RAPGEF5: variants seen among roughly 807,000 people sequenced by gnomAD.
RAPGEF5 encodes Rap guanine nucleotide exchange factor 5.
In RAPGEF5, 65 loss-of-function variants were observed where a neutral mutation model predicts 125.2. The ratio of observed to expected loss-of-function variants is 0.52; its 90% CI spans 0.43 to 0.64. The LOEUF (loss-of-function observed/expected upper bound fraction) is 0.64, where lower values mean the gene tolerates loss of function less well. RAPGEF5 is among the 30% of genes least tolerant of loss of function. The probability of loss-of-function intolerance (pLI) is 0.00; values close to 1 mark genes in which losing one functional copy is unlikely to be tolerated. For synonymous variants in RAPGEF5, 391 were observed against 385.9 expected (o/e 1.01, Z -0.16); for missense variants, 958 against 1,048.1 (o/e 0.91, Z 1.19).
intron 6 of RAPGEF5, among the ~76,000 whole-genome samples, chr7:22,268,998 T>C (rs1051112856): frequency 2.6e-5 from 4 of 152,012 alleles, no homozygotes; most frequent in African/African-American, 9.7e-5. Flanking sequence ...GAGAAAGGCA[T>C]GAAGAACTTC....
chr7:22,339,309 T>C (rs916565464), intron 1 of RAPGEF5, among the ~76,000 whole-genome samples: 2 of 152,214 alleles, frequency 1.3e-5, no homozygotes, highest in African/African-American at 4.8e-5. Flanking sequence ...TGCCTCTCAG[T>C]TGAATTCTTT....
intron 8 of RAPGEF5, among the ~76,000 whole-genome samples, chr7:22,225,406 G>A (rs924978810): frequency 6.6e-6 from 1 of 152,120 alleles, no homozygotes; most frequent in Non-Finnish European, 1.5e-5. Context: ...TTTTCACAAG[G>A]TAATCAATTC....
intron 24 of RAPGEF5, among the ~76,000 whole-genome samples, chr7:22,126,564 A>G (rs942128456): frequency 1.2e-4 from 19 of 152,226 alleles, no homozygotes; most frequent in African/African-American, 4.6e-4. Context: ...TTAAATTGTA[A>G]CTGGAAATGA....
intron 8 of RAPGEF5, among the ~76,000 whole-genome samples, chr7:22,227,509 G>A (rs1785947328): frequency 6.6e-6 from 1 of 152,084 alleles, no homozygotes; most frequent in Admixed American, 6.6e-5. Flanking sequence ...AATGGCTAAT[G>A]GAATCAAAGC....
chr7:22,222,417 A>T (rs191632091), intron 8 of RAPGEF5, among the ~76,000 whole-genome samples: 1 of 152,234 alleles, frequency 6.6e-6, no homozygotes, highest in Non-Finnish European at 1.5e-5. Context: ...GTTTTCTAGT[A>T]AAATGACATC....
chr7:22,240,465 G>A (rs1360798308), intron 7 of RAPGEF5, among the ~76,000 whole-genome samples: 3 of 151,808 alleles, frequency 2.0e-5, no homozygotes, highest in Non-Finnish European at 2.9e-5. Context: ...TCCACCTCCC[G>A]GGTTCAAGCC....
chr7:22,150,533 G>T, intron 17 of RAPGEF5, 29 bp from the exon 18 acceptor site: 3 of 1,279,778 alleles, frequency 2.3e-6, no homozygotes, highest in East Asian at 6.7e-5. Context: ...AAAAAAAAAG[G>T]AATAATCAGA....
chr7:22,180,509 A>T (rs1352085819), intron 11 of RAPGEF5, among the ~76,000 whole-genome samples: 1 of 152,196 alleles, frequency 6.6e-6, no homozygotes, highest in Admixed American at 6.5e-5. Flanking sequence ...TCAAATAAGG[A>T]ATCTCAGAAC....
chr7:22,230,949 G>A, intron 7 of RAPGEF5, 30 bp from the exon 8 acceptor site: 2 of 1,534,390 alleles, frequency 1.3e-6, no homozygotes, highest in South Asian at 1.2e-5. Flanking sequence ...TTAAACAAAT[G>A]TATCATCATA....
intron 5 of RAPGEF5, among the ~76,000 whole-genome samples, chr7:22,296,837 G>A (rs578170224): frequency 6.6e-6 from 1 of 152,216 alleles, no homozygotes; most frequent in African/African-American, 2.4e-5. Flanking sequence ...GAAGAGCCAA[G>A]AGATGTTATC....
intron 9 of RAPGEF5, among the ~76,000 whole-genome samples, chr7:22,201,673 C>G (rs1012551019): frequency 6.6e-6 from 1 of 152,200 alleles, no homozygotes; most frequent in African/African-American, 2.4e-5. Context: ...TGTAATTTAG[C>G]TTCTACAGCT....
At chr7:22,283,379 T>G (rs1449112958) in intron 6 of RAPGEF5, among the ~76,000 whole-genome samples, 2 of 152,232 alleles carry the variant, frequency 1.3e-5, no homozygotes, top group East Asian at 3.8e-4. Context: ...AAAATTTGTC[T>G]TATTCCATCA....
At chr7:22,249,863 TC>T in intron 7 of RAPGEF5, among the ~76,000 whole-genome samples, 1 of 152,292 alleles carries the variant, frequency 6.6e-6, no homozygotes, top group African/African-American at 2.4e-5. Flanking sequence ...AATCTAGATG[TC>T]AGGGCCTCAG....
At chr7:22,292,839 G>A (rs1175956892) in intron 5 of RAPGEF5, among the ~76,000 whole-genome samples, 3 of 152,194 alleles carry the variant, frequency 2.0e-5, no homozygotes, top group African/African-American at 4.8e-5. Flanking sequence ...ATTAGTTAAC[G>A]AGCATGAGGT....
At chr7:22,170,834 T>C (rs1288210330) in intron 11 of RAPGEF5, among the ~76,000 whole-genome samples, 1 of 152,142 alleles carries the variant, frequency 6.6e-6, no homozygotes, top group Non-Finnish European at 1.5e-5. Flanking sequence ...GAAATATTAA[T>C]TAAAATAAAA....
chr7:22,202,631 A>G (rs1397177029), intron 9 of RAPGEF5, among the ~76,000 whole-genome samples: 1 of 152,222 alleles, frequency 6.6e-6, no homozygotes, highest in Non-Finnish European at 1.5e-5. Flanking sequence ...CCAAGCCGCA[A>G]GCCAGGGATA....
At chr7:22,203,306 G>A (rs746915958) in intron 9 of RAPGEF5, among the ~76,000 whole-genome samples, 5 of 152,076 alleles carry the variant, frequency 3.3e-5, no homozygotes, top group South Asian at 2.1e-4. Context: ...AATCTCACTC[G>A]CCAAGAAGTG....
rs550146928 is a variant in RAPGEF5 at position 22,238,850 on chromosome 7, C to T, written c.797-7931G>A. Among the ~76,000 whole-genome samples the T allele has an allele frequency of 7.9e-5, 12 of 152,200 alleles. No homozygotes were observed. In the South Asian group the frequency reaches 2.5e-3, roughly 32 times the overall value. On this transcript the variant is annotated intron_variant, in intron 7 of 25. Transcript: ENST00000665637. ...AGGCTGAGAGATGTCAGATAGTTTG[C>T]ACAGAATTATACAGGAAGTGAGTAA...
At chr7:22,151,927 C>G (rs1783643468) in intron 17 of RAPGEF5, among the ~76,000 whole-genome samples, 1 of 152,154 alleles carries the variant, frequency 6.6e-6, no homozygotes, top group Non-Finnish European at 1.5e-5. Context: ...TTTTCTACCA[C>G]AATTGGAGCC....
Sources: allele counts gnomAD v4.1 joint callset (sites outside exome capture counted in the v4.1 genomes callset), GRCh38; gene constraint gnomAD v4.1.1; transcripts MANE v1.5; gene names NCBI Gene and HGNC (gene_info 2026-07-23, HGNC 2026-07-21).